The following GDNF variants were observed in gnomAD, a reference collection of about 807,000 sequenced individuals.
The protein encoded by GDNF is glial cell line-derived neurotrophic factor.
In GDNF, 5 loss-of-function variants were observed where a neutral mutation model predicts 13.7. The observed-to-expected ratio is 0.36, with a 90% CI of 0.19 to 0.77. The LOEUF is 0.77. Ranked by LOEUF, GDNF falls within the 30% of genes least tolerant of loss-of-function variation. The probability of loss-of-function intolerance (pLI) is 0.51; values close to 1 mark genes in which losing one functional copy is unlikely to be tolerated. For synonymous variants in GDNF, 122 were observed against 112.5 expected (o/e 1.08, Z -0.53); for missense variants, 246 against 274.3 (o/e 0.90, Z 0.73).
rs771112760 is a variant in GDNF at position 37,815,723 on chromosome 5, C to G, written c.564G>C (p.Leu188=). The G allele has an allele frequency of 4.3e-6, 7 of 1,613,792 alleles. No homozygotes were observed. Among genetic ancestry groups the G allele is most frequent in the Non-Finnish European group, 8.5e-7 (1 of 1,179,774 alleles). ...CCRPIAFDDD[L]SFLDDNLVYH... is the part of the protein sequence containing the mutation. Reference sequence around the variant, plus strand: ...AAACCAGGTTATCATCTAAAAACGACAGGTCATCATCAAAGGCGATGGGTC... The same window carrying G: ...AAACCAGGTTATCATCTAAAAACGAGAGGTCATCATCAAAGGCGATGGGTC... Residue 188 remains leucine, a synonymous_variant, in exon 3 of 3, where the codon CTG becomes CTC. Transcript: ENST00000326524. The surrounding 1 kb of genome is among the most constrained non-coding windows in gnomAD (Gnocchi z 5.0).
At chr5:37,823,611 C>T (rs10473070) in intron 2 of GDNF, among the ~76,000 whole-genome samples, 1,680 of 151,736 alleles carry the variant, frequency 0.011, 34 homozygotes, top group African/African-American at 0.039. Flanking sequence ...GCAGCAGATC[C>T]AGACAGAGAG....
At chr5:37,835,925 C>T in intron 1 of GDNF, 1 of 538,950 alleles carries the variant, frequency 1.9e-6, no homozygotes, top group Non-Finnish European at 3.3e-6. Context: ...GCTTCTCAAT[C>T]CTCACACCCC....
intron 2 of GDNF, among the ~76,000 whole-genome samples, chr5:37,819,444 CTTTTTTT>C (rs529362873): frequency 4.0e-5 from 5 of 126,208 alleles, no homozygotes; most frequent in South Asian, 2.6e-4. Context: ...GTGCTCTTTT[CTTTTTTT>C]TTTTTTTTTT....
rs1286820244 is a variant in GDNF at position 37,814,368 on chromosome 5, G to A, written c.*1283C>T. On this transcript the variant is annotated 3_prime_UTR_variant, in exon 3 of 3. Coordinates refer to ENST00000326524, the MANE Select transcript of GDNF (RefSeq NM_000514.4). ...TGGAGCAAGGAAGAAATAAAGTCAAGTGCCAGTGGTCTCTGCACGCTGCTC... is the reference window on the plus strand; with the variant it reads ...TGGAGCAAGGAAGAAATAAAGTCAAATGCCAGTGGTCTCTGCACGCTGCTC... The A allele has an allele frequency of 6.6e-6, 1 of 152,484 alleles. No homozygotes were observed. Among genetic ancestry groups the A allele is most frequent in the East Asian group, 1.9e-4 (1 of 5,178 alleles). The allele number at this position is 152,484 out of a possible 1,614,324, so 9.4% of individuals were successfully genotyped here. A position where few individuals can be genotyped will look rare whatever the true frequency, so the allele number is the denominator to read the frequency against.
chr5:37,835,426 C>T lies in GDNF; in HGVS notation c.-26-604G>A, dbSNP rs971338871. 9.1e-6 allele frequency: 13 copies of T among 1,430,540 alleles called. No homozygotes were observed. In the Admixed American group the frequency reaches 3.5e-4, roughly 38 times the overall value. 88.6% of individuals were successfully genotyped at this position (1,430,540 alleles called of 1,614,324 possible). Reference sequence around the variant, plus strand: ...TGCCGCCCACACCTCATTCTTCCCACCTAAATAGGTATTCTGTTGCGAGAG... The same window carrying T: ...TGCCGCCCACACCTCATTCTTCCCATCTAAATAGGTATTCTGTTGCGAGAG... On this transcript the variant is annotated intron_variant, in intron 1 of 2. Transcript: ENST00000326524.
chr5:37,821,669 T>C (rs1750146494), intron 2 of GDNF, among the ~76,000 whole-genome samples: 1 of 152,196 alleles, frequency 6.6e-6, no homozygotes, highest in Non-Finnish European at 1.5e-5. Flanking sequence ...AAATGAAACC[T>C]TGTACCGGGG....
At chr5:37,825,286 T>A (rs1247295463) in intron 2 of GDNF, among the ~76,000 whole-genome samples, 9 of 152,234 alleles carry the variant, frequency 5.9e-5, no homozygotes, top group African/African-American at 1.9e-4. Context: ...CAGGTTCTGA[T>A]CACCTTGCTC....
In GDNF at chr5:37,813,753, G is replaced by A. The variant is rs547628776; in HGVS notation, c.*1898C>T. 6.6e-6 allele frequency: 1 copy of A among 152,628 alleles called. No individual in the cohort carries two copies. The highest frequency in any genetic ancestry group is 2.4e-5 in the African/African-American group (1 of 41,360). 9.5% of individuals were successfully genotyped at this position (152,628 alleles called of 1,614,324 possible). A position where few individuals can be genotyped will look rare whatever the true frequency, so the allele number is the denominator to read the frequency against. On this transcript the variant is annotated 3_prime_UTR_variant, in exon 3 of 3. Transcript: ENST00000326524. The stretch of plus-strand genomic sequence containing the variant: ...AATTTTTAAAGTTTCTGTAGAGACA[G>A]GGTCTCCCTATGTTGCCCAAGCTGG...
At chr5:37,825,318 A>C (rs1750271717) in intron 2 of GDNF, among the ~76,000 whole-genome samples, 1 of 152,212 alleles carries the variant, frequency 6.6e-6, no homozygotes, top group Non-Finnish European at 1.5e-5. Flanking sequence ...TATGTGGTCC[A>C]TGCTTTTATT....
chr5:37,813,225 A>C lies in GDNF; in HGVS notation c.*2426T>G, dbSNP rs963733237. ...CATTTCCCAGGCGAGCAAGGGGAGC[A>C]GAAAGGACAGAGAAGGGCAGAACCA... On this transcript the variant is annotated 3_prime_UTR_variant, in exon 3 of 3. Transcript: ENST00000326524. The C allele has an allele frequency of 6.6e-6, 1 of 152,276 alleles. No individual in the cohort carries two copies. The highest frequency in any genetic ancestry group is 1.5e-5 in the Non-Finnish European group (1 of 68,074). The allele number at this position is 152,276 out of a possible 1,614,324, so 9.4% of individuals were successfully genotyped here.
chr5:37,837,076 C>T lies in GDNF; in HGVS notation c.-26-2254G>A, dbSNP rs1045991700. ...CCGGGACCGGCTCCAGTCCGAGGGGCTCTTTCGTTCTCGGTATTTGCTGGG... is the reference window on the plus strand; with the variant it reads ...CCGGGACCGGCTCCAGTCCGAGGGGTTCTTTCGTTCTCGGTATTTGCTGGG... On this transcript the variant is annotated intron_variant, in intron 1 of 2. Transcript: ENST00000326524. This position sits in a 1 kb window ranked among gnomAD's most constrained non-coding sequence, Gnocchi z 6.5. 3.3e-5 allele frequency among the ~76,000 whole-genome samples: 5 copies of T among 152,256 alleles called. No individual in the cohort carries two copies. In the East Asian group the frequency reaches 7.8e-4, roughly 24 times the overall value.
chr5:37,829,847 C>A (rs966199731), intron 2 of GDNF, among the ~76,000 whole-genome samples: 2 of 152,258 alleles, frequency 1.3e-5, no homozygotes, highest in South Asian at 4.1e-4. Flanking sequence ...CAGACTGGGG[C>A]CAGAATGAGA....
intron 2 of GDNF, among the ~76,000 whole-genome samples, chr5:37,829,193 TC>T (rs1318467008): frequency 6.6e-6 from 1 of 152,250 alleles, no homozygotes; most frequent in East Asian, 1.9e-4. Flanking sequence ...TCCTCTTTGT[TC>T]CACTGTCCCT....
intron 1 of GDNF, chr5:37,835,416 A>T: frequency 2.1e-6 from 3 of 1,416,400 alleles, no homozygotes; most frequent in Non-Finnish European, 2.8e-6. Context: ...CCCACACCTC[A>T]TTCTTCCCAC....
At position 37,839,346 on chromosome 5, in the gene GDNF, C is replaced by T. The variant is rs1322993329; in HGVS notation, c.-27+161G>A. On this transcript the variant is annotated intron_variant, in intron 1 of 2. Transcript: ENST00000326524. The surrounding 1 kb of genome is among the most constrained non-coding windows in gnomAD (Gnocchi z 5.5). ...CTCCGGTTCTACTTTTCTCTCTCCT[C>T]GCATAGCTTAGGTTCCCTCTAGTCT... Among the ~76,000 whole-genome samples, 5 of 152,194 alleles carry T rather than the reference C, an allele frequency of 3.3e-5. No homozygotes were observed. The highest frequency in any genetic ancestry group is 3.3e-4 in the Admixed American group (5 of 15,288).
chr5:37,824,121 G>T, intron 2 of GDNF: 5 of 743,832 alleles, frequency 6.7e-6, no homozygotes, highest in Non-Finnish European at 8.2e-6. Flanking sequence ...TGTGTAGAAA[G>T]GGCCCTGTAT....
In GDNF at chr5:37,837,752, G is replaced by A. The variant is rs1750759644; in HGVS notation, c.-27+1755C>T. 6.6e-6 allele frequency among the ~76,000 whole-genome samples: 1 copy of A among 152,134 alleles called. No individual in the cohort carries two copies. Among genetic ancestry groups the A allele is most frequent in the African/African-American group, 2.4e-5 (1 of 41,430 alleles). On this transcript the variant is annotated intron_variant, in intron 1 of 2. Coordinates refer to ENST00000326524, the MANE Select transcript of GDNF (RefSeq NM_000514.4). This position sits in a 1 kb window ranked among gnomAD's most constrained non-coding sequence, Gnocchi z 6.5. ...GGCTCCCACCCCTCCATTCTCGCTG[G>A]TTTTCCTCTCCCCACTTCACCTGAG...
At position 37,815,359 on chromosome 5, in the gene GDNF, G is replaced by A. The variant is rs1160235526; in HGVS notation, c.*292C>T. The A allele has an allele frequency of 2.1e-6, 1 of 483,036 alleles. No individual in the cohort carries two copies. Among genetic ancestry groups the A allele is most frequent in the Non-Finnish European group, 3.8e-6 (1 of 264,788 alleles). 29.9% of individuals were successfully genotyped at this position (483,036 alleles called of 1,614,324 possible). Reference sequence around the variant, plus strand: ...TGAAATGGTGGCAATAGCCAACCAGGAACATCAGCCCTGAGCTTCTAGTGA... The same window carrying A: ...TGAAATGGTGGCAATAGCCAACCAGAAACATCAGCCCTGAGCTTCTAGTGA... On this transcript the variant is annotated 3_prime_UTR_variant, in exon 3 of 3. Transcript: ENST00000326524. The surrounding 1 kb of genome is among the most constrained non-coding windows in gnomAD (Gnocchi z 5.0).
intron 2 of GDNF, among the ~76,000 whole-genome samples, chr5:37,818,701 T>G (rs1750016925): frequency 6.6e-6 from 1 of 152,156 alleles, no homozygotes; most frequent in Non-Finnish European, 1.5e-5. Flanking sequence ...AGGGCCTTTG[T>G]GCTGGCTGTC....
Sources: gnomAD v4.1 joint callset for allele counts (sites outside exome capture counted in the v4.1 genomes callset) on GRCh38, gnomAD v4.1.1 for gene constraint, Gnocchi (gnomAD v3.1) non-coding constraint, MANE v1.5 for transcripts, NCBI Gene and HGNC (gene_info 2026-07-23, HGNC 2026-07-21) for gene names.